The following TBC1D9B variants were observed in gnomAD, a reference collection of about 807,000 sequenced individuals.
The protein encoded by TBC1D9B is TBC1 domain family member 9B.
TBC1D9B carries 87 observed loss-of-function variants against 121.1 expected under a neutral mutation model. That is an observed-to-expected ratio of 0.72 (90% CI 0.60 to 0.86). The LOEUF (loss-of-function observed/expected upper bound fraction) is 0.86. Ranked by LOEUF, TBC1D9B falls within the 40% of genes least tolerant of loss-of-function variation. TBC1D9B has a pLI of 0.00. For synonymous variants in TBC1D9B, 668 were observed against 670.1 expected, an observed-to-expected ratio of 1.00 and a Z score of 0.05; for missense variants, 1,540 against 1,628.6, an observed-to-expected ratio of 0.95 and a Z score of 0.94.
intron 20 of TBC1D9B, among the ~76,000 whole-genome samples, chr5:179,864,814 G>A (rs1207010209): frequency 6.6e-6 from 1 of 152,262 alleles, no homozygotes; most frequent in East Asian, 1.9e-4. Context: ...CTCAACGCTT[G>A]CAGTTTGGAG....
chr5:179,869,928 G>T (rs369943125), intron 16 of TBC1D9B, 94 bp from the exon 17 acceptor site: 8 of 1,238,250 alleles, frequency 6.5e-6, no homozygotes, highest in African/African-American at 3.1e-5. Context: ...AGCCTGTGCT[G>T]CCCAACTCCC....
At chr5:179,882,207 A>C (rs1410438315) in intron 7 of TBC1D9B, among the ~76,000 whole-genome samples, 1 of 152,222 alleles carries the variant, frequency 6.6e-6, no homozygotes, top group Non-Finnish European at 1.5e-5. Context: ...GGCCTCCCAA[A>C]GTGTTGGGAT....
At chr5:179,869,477 G>A in intron 17 of TBC1D9B, 1 of 602,854 alleles carries the variant, frequency 1.7e-6, no homozygotes, top group Non-Finnish European at 3.1e-6. Flanking sequence ...CTCCACTCAT[G>A]GCCCTCCTAG....
intron 7 of TBC1D9B, among the ~76,000 whole-genome samples, chr5:179,883,823 T>C (rs954872758): frequency 3.3e-5 from 5 of 152,186 alleles, no homozygotes; most frequent in African/African-American, 7.2e-5. Context: ...TTTCCTGTTC[T>C]TTCAGCAGGA....
At chr5:179,882,639 T>G (rs1196260783) in intron 7 of TBC1D9B, among the ~76,000 whole-genome samples, 2 of 151,924 alleles carry the variant, frequency 1.3e-5, no homozygotes, top group Non-Finnish European at 1.5e-5. Context: ...AGGTCAGGAG[T>G]TCGAGATCAG....
In TBC1D9B at chr5:179,863,485, G is replaced by A. The variant is rs1470640456; in HGVS notation, c.3665C>T (p.Thr1222Ile). The A allele has an allele frequency of 6.2e-7, 1 of 1,614,078 alleles. No individual in the cohort carries two copies. Among genetic ancestry groups the A allele is most frequent in the Non-Finnish European group, 8.5e-7 (1 of 1,180,040 alleles). Residue 1222 changes from threonine to isoleucine, a missense_variant, in exon 21 of 21, where the codon ACC becomes ATC. By Grantham distance (89) the Thr-to-Ile change is moderately conservative. Coordinates refer to ENST00000355235, the MANE Select transcript of TBC1D9B (RefSeq NM_015043.4). This position sits in a 1 kb window ranked among gnomAD's most constrained non-coding sequence, Gnocchi z 4.5. Reference protein sequence around the residue: ...DQKKVERQFSTASDHEQPGVS... With the variant: ...DQKKVERQFSIASDHEQPGVS... ...TCCAGGCTGCTCATGGTCACTGGCG[G>A]TGCTGAACTGTCTCTCCACTTTCTT...
intron 18 of TBC1D9B, chr5:179,867,391 T>G: frequency 6.7e-7 from 1 of 1,500,060 alleles, no homozygotes; most frequent in Non-Finnish European, 9.0e-7. Context: ...TTCCTGATAG[T>G]GCAGGAAGAG....
chr5:179,887,717 C>G (rs769361919), intron 7 of TBC1D9B: 1 of 262,780 alleles, frequency 3.8e-6, no homozygotes. Context: ...AATAGTGATA[C>G]TGCAGTTCTA....
chr5:179,886,840 T>C (rs1322305636), intron 7 of TBC1D9B, among the ~76,000 whole-genome samples: 1 of 152,188 alleles, frequency 6.6e-6, no homozygotes, highest in Non-Finnish European at 1.5e-5. Context: ...AGCACATCCA[T>C]CTTGTCACAC....
At chr5:179,867,372 C>T in intron 18 of TBC1D9B, 2 of 1,462,808 alleles carry the variant, frequency 1.4e-6, no homozygotes, top group Non-Finnish European at 1.8e-6. Flanking sequence ...GGACAAAGAG[C>T]TTCCAGGCTT....
rs1761373818 is a variant in TBC1D9B, at chr5:179,907,888, A to AGCGT, written c.-68_-67insACGC. On this transcript the variant is annotated 5_prime_UTR_variant, in exon 1 of 21. Transcript: ENST00000355235. This position sits in a 1 kb window ranked among gnomAD's most constrained non-coding sequence, Gnocchi z 5.3. The stretch of plus-strand genomic sequence containing the variant: ...GCGCCCGCCGCCGTCGGCGTCCCGG[A>AGCGT]GCGGAGCGTGCGGAGCGGAGCGTGC... 4.4e-5 allele frequency: 40 copies of AGCGT among 914,120 alleles called. No homozygotes were observed. The highest frequency in any genetic ancestry group is 6.3e-5 in the Admixed American group (1 of 15,954). 56.6% of individuals were successfully genotyped at this position (914,120 alleles called of 1,614,324 possible). A position where few individuals can be genotyped will look rare whatever the true frequency, so the allele number is the denominator to read the frequency against.
rs1315901123 is a variant in TBC1D9B at position 179,879,509 on chromosome 5, C to T, written c.1416+119G>A. The T allele has an allele frequency of 2.2e-5, 32 of 1,482,066 alleles. No homozygotes were observed. In the East Asian group the frequency reaches 6.6e-4, roughly 30 times the overall value. The allele number at this position is 1,482,066 out of a possible 1,614,324, so 91.8% of individuals were successfully genotyped here. ...GCTGCCAGGGTGCAGCCTGGGTGGG[C>T]ACTGCCCAGCGGTCAGCCCAGGGCC... On this transcript the variant is annotated intron_variant, in intron 8 of 20. Coordinates refer to ENST00000355235, the MANE Select transcript of TBC1D9B (RefSeq NM_015043.4).
Position 179,865,177 on chromosome 5 carries a change from C to T in TBC1D9B, c.3021+77G>A, listed in dbSNP as rs983890415. On this transcript the variant is annotated intron_variant, in intron 20 of 20. Coordinates refer to ENST00000355235, the MANE Select transcript of TBC1D9B (RefSeq NM_015043.4). This position sits in a 1 kb window ranked among gnomAD's most constrained non-coding sequence, Gnocchi z 5.1. ...CCACCCACCAGGAGATGCTGCAGTGCAGGTGCGGTGATGTTAGGGCCCAGT... is the reference window on the plus strand; with the variant it reads ...CCACCCACCAGGAGATGCTGCAGTGTAGGTGCGGTGATGTTAGGGCCCAGT... The T allele has an allele frequency of 3.0e-6, 4 of 1,352,918 alleles. No homozygotes were observed. In the African/African-American group the frequency reaches 4.3e-5, roughly 15 times the overall value. The allele number at this position is 1,352,918 out of a possible 1,614,324, so 83.8% of individuals were successfully genotyped here.
At chr5:179,899,893 GA>G (rs1761120328) in intron 2 of TBC1D9B, among the ~76,000 whole-genome samples, 1 of 152,100 alleles carries the variant, frequency 6.6e-6, no homozygotes. Flanking sequence ...ACCTAGGAGG[GA>G]GGGGGTCCCT....
In TBC1D9B at chr5:179,888,187, G is replaced by C; in HGVS notation, c.1170C>G (p.Ile390Met). 1 of 1,613,614 alleles carries C rather than the reference G, an allele frequency of 6.2e-7. No homozygotes were observed. The highest frequency in any genetic ancestry group is 1.1e-5 in the South Asian group (1 of 91,050). Residue 390 changes from isoleucine to methionine, a missense_variant, in exon 7 of 21, where the codon ATC becomes ATG. Ile to Met is a conservative substitution (Grantham distance 10, BLOSUM62 1). Transcript: ENST00000355235. ...LKDRDFLVQR[I>M]SDFLQKTPSK... is the part of the protein sequence containing the mutation. ...ATGGTGTTTTCTGGAGGAAGTCAGA[G>C]ATCCTCTGCACCAAGAAATCACGGT...
At chr5:179,867,544 C>T in intron 18 of TBC1D9B, 2 of 1,549,838 alleles carry the variant, frequency 1.3e-6, no homozygotes, top group Non-Finnish European at 1.7e-6. Context: ...GGGGAGGAGC[C>T]AAGGTCCAGG....
At position 179,862,933 on chromosome 5, in the gene TBC1D9B, A is replaced by ATGTTCC. The variant is rs1432726534; in HGVS notation, c.*509_*514dup. On this transcript the variant is annotated 3_prime_UTR_variant, in exon 21 of 21. Transcript: ENST00000355235. ...TCTGTGCAATAAACATGTTCTGCCC[A>ATGTTCC]TGTTCCTCAGTCAGGAGGTTCAGGC... 3.9e-6 allele frequency: 1 copy of ATGTTCC among 256,282 alleles called. No homozygotes were observed. The highest frequency in any genetic ancestry group is 8.9e-5 in the East Asian group (1 of 11,246). The allele number at this position is 256,282 out of a possible 1,614,324, so 15.9% of individuals were successfully genotyped here. A position where few individuals can be genotyped will look rare whatever the true frequency, so the allele number is the denominator to read the frequency against.
At chr5:179,900,852 T>A (rs976434371) in intron 2 of TBC1D9B, among the ~76,000 whole-genome samples, 3 of 152,192 alleles carry the variant, frequency 2.0e-5, no homozygotes, top group African/African-American at 7.2e-5. Flanking sequence ...CCAGTGTGAC[T>A]GTGAACCAGA....
In TBC1D9B at chr5:179,907,266, G is replaced by A. The variant is rs937696215; in HGVS notation, c.118+438C>T. ...TTGGTGAGATGGGCACGAAGAAGAG[G>A]GCAAAAGAAAACGTGCGCTGGCGTC... is the stretch of plus-strand genomic sequence containing the variant. On this transcript the variant is annotated intron_variant, in intron 1 of 20. Coordinates refer to ENST00000355235, the MANE Select transcript of TBC1D9B (RefSeq NM_015043.4). This position sits in a 1 kb window ranked among gnomAD's most constrained non-coding sequence, Gnocchi z 5.3. 2.0e-5 allele frequency among the ~76,000 whole-genome samples: 3 copies of A among 152,132 alleles called. No individual in the cohort carries two copies. The highest frequency in any genetic ancestry group is 6.5e-5 in the Admixed American group (1 of 15,274).
Sources: allele counts gnomAD v4.1 joint callset (sites outside exome capture counted in the v4.1 genomes callset), GRCh38; gene constraint gnomAD v4.1.1; non-coding constraint Gnocchi (gnomAD v3.1); transcripts MANE v1.5; gene names NCBI Gene and HGNC (gene_info 2026-07-23, HGNC 2026-07-21).